Variants in CUX1 observed in about 807,000 individuals in gnomAD.
CUX1 encodes the protein protein CASP.
CUX1 carries 31 observed loss-of-function variants against 158.8 expected under a neutral mutation model. The ratio of observed to expected loss-of-function variants is 0.20; its 90% confidence interval spans 0.15 to 0.26. The LOEUF is 0.26. Ranked by LOEUF, CUX1 falls within the 10% of genes least tolerant of loss-of-function variation. CUX1 has a pLI of 1.00. For missense variants in CUX1, 1,589 were observed against 2,014.6 expected, an observed-to-expected ratio of 0.79 and a Z score of 4.04; for synonymous variants, 879 against 862.1, an observed-to-expected ratio of 1.02 and a Z score of -0.34.
At chr7:101,917,277 G>A (rs189486529) in intron 2 of CUX1, among the ~76,000 whole-genome samples, 1 of 152,356 alleles carries the variant, frequency 6.6e-6, no homozygotes, top group East Asian at 1.9e-4. Context: ...TTCAAAAGAG[G>A]CTTGCTAGTC....
At chr7:102,092,730 G>C (rs550309494) in intron 4 of CUX1, among the ~76,000 whole-genome samples, 1 of 151,872 alleles carries the variant, frequency 6.6e-6, no homozygotes, top group East Asian at 1.9e-4. Flanking sequence ...TGGGCAATGG[G>C]GTGTGAATCC....
chr7:102,036,112 G>A (rs1336170993), intron 3 of CUX1, among the ~76,000 whole-genome samples: 1 of 151,808 alleles, frequency 6.6e-6, no homozygotes, highest in Non-Finnish European at 1.5e-5. Flanking sequence ...GATTACAGGC[G>A]CCTGCCACCA....
intron 8 of CUX1, among the ~76,000 whole-genome samples, chr7:102,126,165 C>T (rs1266317209): frequency 6.9e-6 from 1 of 144,882 alleles, no homozygotes; most frequent in African/African-American, 2.6e-5. Context: ...AAGTGTGCAC[C>T]ACCATTTCCG....
intron 2 of CUX1, among the ~76,000 whole-genome samples, chr7:101,999,356 G>A (rs946600576): frequency 6.6e-6 from 1 of 151,248 alleles, no homozygotes; most frequent in African/African-American, 2.4e-5. Flanking sequence ...GCGCCTGGCC[G>A]ATTTTTATCT....
At chr7:102,061,712 A>C (rs1293088688) in intron 3 of CUX1, among the ~76,000 whole-genome samples, 1 of 152,134 alleles carries the variant, frequency 6.6e-6, no homozygotes, top group Non-Finnish European at 1.5e-5. Context: ...GGTGCAGTGG[A>C]GAGATGAGCC....
chr7:101,817,599 C>T (rs1454478682), upstream of CUX1: 3 of 1,533,712 alleles, frequency 2.0e-6, no homozygotes, highest in East Asian at 2.5e-5. The surrounding 1 kb of genome is among the most constrained non-coding windows in gnomAD (Gnocchi z 4.1). Flanking sequence ...GCCAGCTCGG[C>T]GCCCGCGGCG....
rs868909730 is a variant in CUX1 at position 102,248,573 on chromosome 7, C to T, written c.4049C>T (p.Ala1350Val). 6.7e-7 allele frequency: 1 copy of T among 1,488,016 alleles called. No homozygotes were observed. Among genetic ancestry groups the T allele is most frequent in the Admixed American group, 2.3e-5 (1 of 43,808 alleles). 92.2% of individuals were successfully genotyped at this position (1,488,016 alleles called of 1,614,324 possible). A position where few individuals can be genotyped will look rare whatever the true frequency, so the allele number is the denominator to read the frequency against. Residue 1350 changes from alanine to valine, a missense_variant, in exon 24 of 24, where the codon GCC (alanine) becomes GTC (valine). By Grantham distance (64) the Ala-to-Val change is moderately conservative (BLOSUM62 0). Coordinates refer to ENST00000292535, the MANE Select transcript of CUX1 (RefSeq NM_181552.4). The surrounding 1 kb of genome is among the most constrained non-coding windows in gnomAD (Gnocchi z 5.8). ...GVEATEGPGS[A>V]DTEEPKSQGE... is the part of the protein sequence containing the mutation. ...GAGGCCACTGAGGGCCCAGGCAGCG[C>T]CGACACCGAGGAGCCCAAGTCTCAG...
chr7:101,898,872 A>G (rs185617451), intron 1 of CUX1, among the ~76,000 whole-genome samples: 89 of 152,338 alleles, frequency 5.8e-4, no homozygotes, highest in African/African-American at 2.0e-3. Context: ...ATTACAAAGC[A>G]TAAGCCACCG....
chr7:102,213,936 C>T (rs10269119), intron 20 of CUX1, among the ~76,000 whole-genome samples: 293 of 152,176 alleles, frequency 1.9e-3, no homozygotes, highest in African/African-American at 6.7e-3. Context: ...AGTTCAAGAC[C>T]GGCCTGGCCA....
chr7:101,964,351 T>C (rs979975866), intron 2 of CUX1, among the ~76,000 whole-genome samples: 1 of 151,840 alleles, frequency 6.6e-6, no homozygotes, highest in Admixed American at 6.6e-5. Context: ...AGACTCCATC[T>C]CAAAAAAAAG....
intron 2 of CUX1, among the ~76,000 whole-genome samples, chr7:101,917,435 G>A (rs375289531): frequency 2.0e-5 from 3 of 152,140 alleles, no homozygotes; most frequent in South Asian, 4.1e-4. Flanking sequence ...TCTCACACCC[G>A]CTGCTTGCCT....
intron 8 of CUX1, among the ~76,000 whole-genome samples, chr7:102,146,918 T>G (rs1455709104): frequency 3.9e-5 from 6 of 152,142 alleles, no homozygotes; most frequent in African/African-American, 1.4e-4. Context: ...TTTTAATCAT[T>G]ACTTTTGTAT....
chr7:102,129,902 GC>G (rs1471475634), intron 8 of CUX1, among the ~76,000 whole-genome samples: 1 of 152,124 alleles, frequency 6.6e-6, no homozygotes, highest in Admixed American at 6.6e-5. Context: ...TAAAAGAGGT[GC>G]CAAACAGCCA....
chr7:102,138,337 T>C (rs1834114927), intron 8 of CUX1, among the ~76,000 whole-genome samples: 1 of 152,222 alleles, frequency 6.6e-6, no homozygotes, highest in Admixed American at 6.5e-5. Context: ...AATTTCTCTT[T>C]ATTGTTGAAT....
At chr7:102,122,735 C>A (rs1832184166) in intron 8 of CUX1, among the ~76,000 whole-genome samples, 1 of 152,130 alleles carries the variant, frequency 6.6e-6, no homozygotes, top group African/African-American at 2.4e-5. Context: ...ATGTAATAGA[C>A]ATGTCTATTG....
At chr7:102,239,293 C>A in intron 22 of CUX1, 27 bp from the exon 23 acceptor site, 1 of 1,586,956 alleles carries the variant, frequency 6.3e-7, no homozygotes, top group Non-Finnish European at 8.6e-7. Flanking sequence ...TGGGCCTGAC[C>A]TTAGTCTGCC....
chr7:101,845,142 ATCTCTC>A (rs34863822), intron 1 of CUX1, among the ~76,000 whole-genome samples: 2 of 149,908 alleles, frequency 1.3e-5, no homozygotes, highest in African/African-American at 4.9e-5. Flanking sequence ...TCTGTTGTCC[ATCTCTC>A]TCTCTCTCTC....
chr7:101,863,958 C>T (rs1797709075), intron 1 of CUX1, among the ~76,000 whole-genome samples: 1 of 152,156 alleles, frequency 6.6e-6, no homozygotes, highest in African/African-American at 2.4e-5. Flanking sequence ...TCAGTGGATG[C>T]TTGCGTTGCT....
intron 2 of CUX1, among the ~76,000 whole-genome samples, chr7:101,937,171 T>C (rs1269706045): frequency 1.3e-5 from 2 of 151,900 alleles, no homozygotes; most frequent in Non-Finnish European, 2.9e-5. Context: ...GCCTGGGGAG[T>C]GTGTGCTGCG....
Sources: gnomAD v4.1 joint callset for allele counts (sites outside exome capture counted in the v4.1 genomes callset) on GRCh38, gnomAD v4.1.1 for gene constraint, Gnocchi (gnomAD v3.1) non-coding constraint, MANE v1.5 for transcripts, NCBI Gene and HGNC (gene_info 2026-07-23, HGNC 2026-07-21) for gene names.